ENTHD1: variants seen among roughly 807,000 people sequenced by gnomAD.
The protein encoded by ENTHD1 is ENTH domain containing 1.
A neutral mutation model predicts 39.1 loss-of-function variants in ENTHD1; 23 were observed. The ratio of observed to expected loss-of-function variants is 0.59; its 90% confidence interval spans 0.42 to 0.83. The LOEUF (loss-of-function observed/expected upper bound fraction) is 0.83, where lower values mean the gene tolerates loss of function less well. Among genes scored for constraint, ENTHD1 ranks in the 40% least tolerant of loss-of-function variants. The probability of loss-of-function intolerance (pLI) is 0.00; values close to 1 mark genes in which losing one functional copy is unlikely to be tolerated. For missense variants in ENTHD1, 624 were observed against 705.4 expected, an observed-to-expected ratio of 0.88 and a Z score of 1.31; for synonymous variants, 230 against 258.2, an observed-to-expected ratio of 0.89 and a Z score of 1.05.
chr22:39,840,723 A>G (rs2065937211), intron 3 of ENTHD1, among the ~76,000 whole-genome samples: 1 of 151,326 alleles, frequency 6.6e-6, no homozygotes, highest in East Asian at 1.9e-4. Context: ...TGGAACCTTG[A>G]CTCCAATTTC....
chr22:39,745,941 G>A (rs1206534404), intron 6 of ENTHD1, among the ~76,000 whole-genome samples: 1 of 152,076 alleles, frequency 6.6e-6, no homozygotes, highest in African/African-American at 2.4e-5. Context: ...TATCTCTGAA[G>A]CATTACAGAA....
chr22:39,870,514 A>C (rs2066233463), intron 2 of ENTHD1, among the ~76,000 whole-genome samples: 1 of 152,250 alleles, frequency 6.6e-6, no homozygotes, highest in Admixed American at 6.5e-5. Flanking sequence ...ATAAATTTTC[A>C]TGTCAAAAAT....
chr22:39,885,026 T>C (rs571860667), intron 2 of ENTHD1, among the ~76,000 whole-genome samples: 4 of 152,234 alleles, frequency 2.6e-5, no homozygotes, highest in African/African-American at 7.2e-5. Context: ...AATTTAAAAA[T>C]TTAGTGCATC....
intron 5 of ENTHD1, among the ~76,000 whole-genome samples, chr22:39,795,868 C>T (rs1259894428): frequency 6.6e-6 from 1 of 152,120 alleles, no homozygotes; most frequent in Non-Finnish European, 1.5e-5. Context: ...TATAGTTGTT[C>T]GTAATAGTCT....
chr22:39,859,686 C>T (rs186131105), intron 3 of ENTHD1, among the ~76,000 whole-genome samples: 6 of 152,152 alleles, frequency 3.9e-5, no homozygotes, highest in Non-Finnish European at 7.4e-5. Flanking sequence ...AAAACAATTA[C>T]AACAGTAACA....
chr22:39,868,103 A>C (rs2066204574), intron 2 of ENTHD1, among the ~76,000 whole-genome samples: 1 of 152,058 alleles, frequency 6.6e-6, no homozygotes, highest in African/African-American at 2.4e-5. Context: ...GGAGAAGAAA[A>C]AAAAAAAATA....
intron 5 of ENTHD1, among the ~76,000 whole-genome samples, chr22:39,781,995 T>C (rs184136252): frequency 1.3e-5 from 2 of 152,066 alleles, no homozygotes; most frequent in East Asian, 1.9e-4. Flanking sequence ...CAATAATAAG[T>C]AACAAGATTG....
intron 5 of ENTHD1, among the ~76,000 whole-genome samples, chr22:39,818,234 C>T (rs2065749304): frequency 6.6e-6 from 1 of 152,212 alleles, no homozygotes; most frequent in Non-Finnish European, 1.5e-5. Context: ...AGGCCTCCAG[C>T]CGATAGCCAG....
chr22:39,782,414 T>C (rs1390109162), intron 5 of ENTHD1, among the ~76,000 whole-genome samples: 4 of 150,898 alleles, frequency 2.7e-5, no homozygotes, highest in Non-Finnish European at 5.9e-5. Flanking sequence ...CTACTCAAAC[T>C]CTTAAAAAAA....
At chr22:39,765,131 AG>A in intron 6 of ENTHD1, 91 bp downstream of exon 6, 1 of 1,438,176 alleles carries the variant, frequency 7.0e-7, no homozygotes, top group Non-Finnish European at 9.1e-7. Context: ...AAAAGGAGAC[AG>A]AAAGCAGAGA....
At chr22:39,839,014 T>C (rs569963044) in intron 3 of ENTHD1, among the ~76,000 whole-genome samples, 3 of 152,274 alleles carry the variant, frequency 2.0e-5, no homozygotes, top group Admixed American at 2.0e-4. Flanking sequence ...AAAAGATGGA[T>C]ATAACTTAAC....
chr22:39,751,504 A>C (rs2065147224), intron 6 of ENTHD1, among the ~76,000 whole-genome samples: 1 of 152,234 alleles, frequency 6.6e-6, no homozygotes, highest in Admixed American at 6.5e-5. Flanking sequence ...TGATAATTAG[A>C]TGTACAGATG....
chr22:39,762,526 C>A lies in ENTHD1; in HGVS notation c.1219+2697G>T, dbSNP rs111317748. Among the ~76,000 whole-genome samples the A allele has an allele frequency of 2.8e-4, 43 of 152,130 alleles. 1 individual carries two copies. Among genetic ancestry groups the A allele is most frequent in the African/African-American group, 9.6e-4 (40 of 41,494 alleles). ...AAGCGCAGTGGCATGATAATGGCTC[C>A]CTGTAGCCTCAACCTCTTGGGCTCA... is the stretch of plus-strand genomic sequence containing the variant. On this transcript the variant is annotated intron_variant, in intron 6 of 6. Coordinates refer to ENST00000325157, the MANE Select transcript of ENTHD1 (RefSeq NM_152512.4).
At chr22:39,885,781 T>A (rs2066374486) in intron 2 of ENTHD1, among the ~76,000 whole-genome samples, 1 of 151,912 alleles carries the variant, frequency 6.6e-6, no homozygotes, top group African/African-American at 2.4e-5. Flanking sequence ...AACAGGAAAA[T>A]TTAGAGACAG....
intron 5 of ENTHD1, among the ~76,000 whole-genome samples, chr22:39,777,005 A>G (rs1331494791): frequency 6.6e-6 from 1 of 152,242 alleles, no homozygotes; most frequent in Non-Finnish European, 1.5e-5. Flanking sequence ...TTGTTCTGAT[A>G]CATAGTATCC....
At chr22:39,782,287 A>C (rs1040206900) in intron 5 of ENTHD1, among the ~76,000 whole-genome samples, 6 of 152,086 alleles carry the variant, frequency 3.9e-5, no homozygotes, top group Non-Finnish European at 5.9e-5. Flanking sequence ...ACTCTGTCTC[A>C]AAAAAAGAAC....
intron 5 of ENTHD1, among the ~76,000 whole-genome samples, chr22:39,771,338 A>T (rs969038655): frequency 1.3e-5 from 2 of 152,174 alleles, no homozygotes; most frequent in African/African-American, 4.8e-5. Context: ...TGTTTTTCCA[A>T]CTTGCTACCC....
intron 3 of ENTHD1, among the ~76,000 whole-genome samples, chr22:39,841,401 T>C (rs577373392): frequency 6.6e-6 from 1 of 152,250 alleles, no homozygotes; most frequent in Admixed American, 6.5e-5. Context: ...CAGGACTTGC[T>C]TTATGAATCT....
At chr22:39,750,602 C>G (rs527984886) in intron 6 of ENTHD1, 6 of 153,052 alleles carry the variant, frequency 3.9e-5, no homozygotes, top group African/African-American at 1.4e-4. Context: ...AGTACAAATT[C>G]TAGTTCCTTT....
Sources: allele counts gnomAD v4.1 joint callset (sites outside exome capture counted in the v4.1 genomes callset), GRCh38; gene constraint gnomAD v4.1.1; transcripts MANE v1.5; gene names NCBI Gene and HGNC (gene_info 2026-07-23, HGNC 2026-07-21).